Variants in ELF4 observed in about 807,000 individuals in gnomAD.
ELF4 encodes E74 like ETS transcription factor 4, also known as ETS-related transcription factor Elf-4.
ELF4 carries 10 observed loss-of-function variants against 31.7 expected under a neutral mutation model. The ratio of observed to expected loss-of-function variants is 0.32; its 90% CI spans 0.19 to 0.54. The LOEUF is 0.54. Ranked by LOEUF, ELF4 falls within the 20% of genes least tolerant of loss-of-function variation. The probability of loss-of-function intolerance (pLI) is 0.95; values close to 1 mark genes in which losing one functional copy is unlikely to be tolerated. For synonymous variants in ELF4, 208 were observed against 226.7 expected (o/e 0.92, Z 0.74); for missense variants, 418 against 522.0 (o/e 0.80, Z 1.94).
chrX:130,073,877 T>G (rs1056321989), intron 4 of ELF4, among the ~76,000 whole-genome samples, 172 bp downstream of exon 4: 1 of 112,488 alleles, frequency 8.9e-6, no homozygotes, highest in African/African-American at 3.2e-5. Flanking sequence ...TCGTGCTAAT[T>G]GAAATAAACC....
At chrX:130,104,803 G>C (rs1219251720) in intron 1 of ELF4, among the ~76,000 whole-genome samples, 1 of 111,822 alleles carries the variant, frequency 8.9e-6, no homozygotes, top group African/African-American at 3.3e-5. Flanking sequence ...AGCTTCAGGA[G>C]AGTCAGGTGT....
intron 2 of ELF4, among the ~76,000 whole-genome samples, chrX:130,078,452 T>C (rs1246892543): frequency 9.1e-6 from 1 of 109,568 alleles, no homozygotes; most frequent in Non-Finnish European, 1.9e-5. Flanking sequence ...GAGACCCCCA[T>C]CTCTACAAAA....
At chrX:130,110,620 CT>C (rs1173895998), upstream of ELF4, 1 of 110,193 alleles carries the variant, frequency 9.1e-6, no homozygotes, top group Non-Finnish European at 1.9e-5. Flanking sequence ...CGTGACTCAC[CT>C]CGGCGCCGGG....
intron 1 of ELF4, among the ~76,000 whole-genome samples, chrX:130,105,854 CTG>C (rs60216838): frequency 0.094 from 8,132 of 86,235 alleles, 410 homozygotes; most frequent in Admixed American, 0.14. Flanking sequence ...CCCCAGGGGC[CTG>C]TGTGTGTGTG....
rs1327827523 is a variant in ELF4, at chrX:130,070,787, A to AAAGAAAG, written c.809+252_809+253insCTTTCTT. On this transcript the variant is annotated intron_variant, in intron 7 of 8. Transcript: ENST00000308167. The stretch of plus-strand genomic sequence containing the variant: ...ACTCCATCTCAAAAAAAAAAAAAAA[A>AAAGAAAG]AAAGAAAGAAAGAAAGAAAGAAAGA... Among the ~76,000 whole-genome samples, 8 of 92,734 alleles carry AAAGAAAG rather than the reference A, an allele frequency of 8.6e-5. No individual in the cohort carries two copies. The East Asian group carries it at 1.1e-3, about 12-fold the overall frequency. 80.5% of individuals were successfully genotyped at this position (92,734 alleles called of 115,157 possible).
chrX:130,103,576 A>G (rs1304078813), intron 1 of ELF4, among the ~76,000 whole-genome samples: 1 of 112,445 alleles, frequency 8.9e-6, no homozygotes, highest in African/African-American at 3.2e-5. Context: ...ATTCTCATAG[A>G]ATTAGCAGAG....
intron 1 of ELF4, among the ~76,000 whole-genome samples, chrX:130,093,574 C>T (rs986831589): frequency 1.8e-5 from 2 of 111,914 alleles, no homozygotes; most frequent in African/African-American, 6.5e-5. Flanking sequence ...GTGACCCACT[C>T]AGTGAGACCC....
chrX:130,088,434 G>A (rs1184856120), intron 1 of ELF4, among the ~76,000 whole-genome samples: 4 of 111,004 alleles, frequency 3.6e-5, no homozygotes, highest in Non-Finnish European at 7.6e-5. Flanking sequence ...AGATATTGCC[G>A]GGTGCGGTGG....
chrX:130,090,530 C>T (rs919128049), intron 1 of ELF4, among the ~76,000 whole-genome samples: 2 of 111,953 alleles, frequency 1.8e-5, no homozygotes, highest in African/African-American at 6.5e-5. Flanking sequence ...TCTTCAACTT[C>T]TGCAAGCCCA....
chrX:130,068,916 T>C (rs1216034154), intron 8 of ELF4, among the ~76,000 whole-genome samples: 1 of 112,089 alleles, frequency 8.9e-6, no homozygotes, highest in Non-Finnish European at 1.9e-5. Context: ...AGAGTAGAGC[T>C]TGGCAAGAAG....
At chrX:130,071,693 C>T (rs747222422) in intron 5 of ELF4, among the ~76,000 whole-genome samples, 161 of 112,867 alleles carry the variant, frequency 1.4e-3, no homozygotes, top group African/African-American at 4.9e-3. Flanking sequence ...ACTTCTGATA[C>T]GGAAAGGCAG....
rs937352583 is a variant in ELF4 at position 130,065,531 on chromosome X, C to T, written c.*1190G>A. On this transcript the variant is annotated 3_prime_UTR_variant, in exon 9 of 9. Transcript: ENST00000308167. The stretch of plus-strand genomic sequence containing the variant: ...TCACAGAGGCAGGCTGGTCCGCCTT[C>T]GAGGTGAGTTGCAGGCAGGCTGAGC... 2.3e-5 allele frequency: 4 copies of T among 174,510 alleles called. No homozygotes were observed. The highest frequency in any genetic ancestry group is 2.9e-5 in the African/African-American group (1 of 33,979). 14.4% of individuals were successfully genotyped at this position (174,510 alleles called of 1,213,427 possible).
chrX:130,068,507 C>A (rs1185275745), intron 8 of ELF4, among the ~76,000 whole-genome samples: 3 of 111,656 alleles, frequency 2.7e-5, no homozygotes, highest in Non-Finnish European at 3.8e-5. Flanking sequence ...TGTCTCACTG[C>A]GCCAGCGTAG....
rs1932651308 is a variant in ELF4, at chrX:130,065,707, G to A, written c.*1014C>T. 1.1e-5 allele frequency: 2 copies of A among 176,130 alleles called. No homozygotes were observed. Among genetic ancestry groups the A allele is most frequent in the East Asian group, 1.6e-4 (2 of 12,471 alleles). 14.5% of individuals were successfully genotyped at this position (176,130 alleles called of 1,213,427 possible). A position where few individuals can be genotyped will look rare whatever the true frequency, so the allele number is the denominator to read the frequency against. ...AGCCCAGGATCGGGGAAGTAGGCTGGGGTGTCAGCAAAGGCTATTGTCTGG... is the reference window on the plus strand; with the variant it reads ...AGCCCAGGATCGGGGAAGTAGGCTGAGGTGTCAGCAAAGGCTATTGTCTGG... On this transcript the variant is annotated 3_prime_UTR_variant, in exon 9 of 9. Coordinates refer to ENST00000308167, the MANE Select transcript of ELF4 (RefSeq NM_001421.4).
intron 1 of ELF4, among the ~76,000 whole-genome samples, chrX:130,085,253 G>A (rs908408274): frequency 1.3e-4 from 15 of 111,922 alleles, no homozygotes; most frequent in Admixed American, 1.3e-3. Context: ...AAGCCTTTGC[G>A]AGAAAGTATG....
chrX:130,072,406 C>G lies in ELF4; in HGVS notation c.352G>C (p.Glu118Gln). The change falls in exon 5 of 9, where the codon GAA (glutamate) becomes CAA (glutamine). Residue 118 changes from glutamate to glutamine, a missense_variant. Around this residue, in one of 4 missense-constraint regions of ELF4, gnomAD observed 88 missense variants for 92.4 expected, o/e 0.95. Transcript: ENST00000308167. ...GCAGGGTCCGAGTCTGGAAGCATTT[C>G]GGAGGTACTGACTGCAAGAAGAAAG... ...LDEKQIFSTS[E>Q]MLPDSDPAPA... 1 of 1,211,856 alleles carries G rather than the reference C, an allele frequency of 8.3e-7. No individual in the cohort carries two copies. Among genetic ancestry groups the G allele is most frequent in the Non-Finnish European group, 1.1e-6 (1 of 895,515 alleles).
intron 1 of ELF4, among the ~76,000 whole-genome samples, chrX:130,109,929 T>C (rs186572435): frequency 4.1e-4 from 46 of 112,890 alleles, no homozygotes; most frequent in Admixed American, 1.3e-3. Context: ...CCTAAAGCCC[T>C]GGCCCCAGAA....
chrX:130,068,581 T>C (rs770039489), intron 8 of ELF4, among the ~76,000 whole-genome samples: 83 of 112,329 alleles, frequency 7.4e-4, no homozygotes, highest in Non-Finnish European at 1.4e-3. Context: ...TCCAAACACA[T>C]AACCCAACAA....
In ELF4 at chrX:130,064,960, G is replaced by T. The variant is rs893152929; in HGVS notation, c.*1761C>A. 6.1e-6 allele frequency: 1 copy of T among 165,210 alleles called. No individual in the cohort carries two copies. The highest frequency in any genetic ancestry group is 1.2e-5 in the Non-Finnish European group (1 of 84,902). The allele number at this position is 165,210 out of a possible 1,213,427, so 13.6% of individuals were successfully genotyped here. A position where few individuals can be genotyped will look rare whatever the true frequency, so the allele number is the denominator to read the frequency against. On this transcript the variant is annotated 3_prime_UTR_variant, in exon 9 of 9. Transcript: ENST00000308167. ...AATAAACTGATTTTATTAGAAAAAGGCACTTTAATGCCAACTGCTGGAAAC... is the reference window on the plus strand; with the variant it reads ...AATAAACTGATTTTATTAGAAAAAGTCACTTTAATGCCAACTGCTGGAAAC...
Sources: allele counts gnomAD v4.1 joint callset (sites outside exome capture counted in the v4.1 genomes callset), GRCh38; gene constraint gnomAD v4.1.1; regional missense constraint gnomAD v4.1.1; transcripts MANE v1.5; gene names NCBI Gene and HGNC (gene_info 2026-07-23, HGNC 2026-07-21).